ACTL8: variants seen among roughly 807,000 people sequenced by gnomAD.
ACTL8 encodes the protein actin like 8, also known as actin-like protein 8.
In ACTL8, 3 loss-of-function variants were observed where a neutral mutation model predicts 9.3. The observed-to-expected ratio is 0.32, with a 90% confidence interval of 0.15 to 0.83. The LOEUF is 0.83. Among genes scored for constraint, ACTL8 ranks in the 40% least tolerant of loss-of-function variants. The pLI is 0.57. For missense variants in ACTL8, 381 were observed against 492.2 expected, an observed-to-expected ratio of 0.77 and a Z score of 2.14; for synonymous variants, 224 against 205.9, an observed-to-expected ratio of 1.09 and a Z score of -0.75.
intron 1 of ACTL8, among the ~76,000 whole-genome samples, chr1:17,813,689 G>A (rs1187744154): frequency 2.6e-5 from 4 of 152,112 alleles, no homozygotes; most frequent in Non-Finnish European, 4.4e-5. Context: ...ATTGTGTACC[G>A]TTAGTATTAT....
intron 1 of ACTL8, among the ~76,000 whole-genome samples, chr1:17,822,180 CT>C (rs1289805267): frequency 1.3e-5 from 2 of 152,142 alleles, no homozygotes; most frequent in Non-Finnish European, 2.9e-5. Flanking sequence ...AGGACATCGC[CT>C]TTGCAGTCTG....
At position 17,815,949 on chromosome 1, in the gene ACTL8, CT is replaced by C. The variant is rs1407088439; in HGVS notation, c.-24-7033del. Among the ~76,000 whole-genome samples the C allele has an allele frequency of 2.6e-5, 4 of 152,064 alleles. No individual in the cohort carries two copies. In the East Asian group the frequency reaches 7.7e-4, roughly 29 times the overall value. On this transcript the variant is annotated intron_variant, in intron 1 of 2. Transcript: ENST00000375406. ...CTCTATTCTATGGAGCAGAACTTTT[CT>C]TTGTTTTTATTTTTTATTCTAAATT...
Position 17,826,368 on chromosome 1 carries a change from G to A in ACTL8, c.950G>A (p.Gly317Glu). ...FTKRLFRELM[G>E]DHVSSTKATV... ...AAGCGCCTGTTCAGGGAGCTGATGG[G>A]GGATCACGTCTCCTCCACCAAGGCC... The change falls in exon 3 of 3, where the codon GGG (glycine) becomes GAG (glutamate). Residue 317 changes from glycine (G) to glutamate (E), a missense_variant. Physicochemically the swap from Gly to Glu is moderately conservative, Grantham distance 98. Around this residue, in one of 3 missense-constraint regions of ACTL8, gnomAD observed 243 missense variants for 276.2 expected, o/e 0.88. Transcript: ENST00000375406. The surrounding 1 kb of genome is among the most constrained non-coding windows in gnomAD (Gnocchi z 4.5). The A allele has an allele frequency of 6.2e-7, 1 of 1,614,120 alleles. No individual in the cohort carries two copies. The highest frequency in any genetic ancestry group is 8.5e-7 in the Non-Finnish European group (1 of 1,180,024).
chr1:17,826,245 T>C lies in ACTL8; in HGVS notation c.827T>C (p.Ile276Thr). Residue 276 changes from isoleucine (I) to threonine (T), a missense_variant, in exon 3 of 3, where the codon ATT (isoleucine) becomes ACT (threonine). By Grantham distance (89) the Ile-to-Thr change is moderately conservative. Coordinates refer to ENST00000375406, the MANE Select transcript of ACTL8 (RefSeq NM_030812.3). The surrounding 1 kb of genome is among the most constrained non-coding windows in gnomAD (Gnocchi z 4.5). ...EQPGPSIPRA[I>T]VESVESCEIS... ...CCGGGGCCCAGCATCCCACGGGCCA[T>C]TGTGGAATCCGTGGAGTCCTGCGAG... 1 of 1,613,374 alleles carries C rather than the reference T, an allele frequency of 6.2e-7. No homozygotes were observed. The highest frequency in any genetic ancestry group is 8.5e-7 in the Non-Finnish European group (1 of 1,179,684).
chr1:17,804,217 C>T (rs2066342489), intron 1 of ACTL8, among the ~76,000 whole-genome samples: 1 of 152,166 alleles, frequency 6.6e-6, no homozygotes, highest in Admixed American at 6.5e-5. Flanking sequence ...GTGGGAAACA[C>T]TAAAGGCTGT....
chr1:17,797,724 T>A (rs2066287931), intron 1 of ACTL8, among the ~76,000 whole-genome samples: 1 of 152,198 alleles, frequency 6.6e-6, no homozygotes, highest in East Asian at 1.9e-4. Context: ...GTTTCCTCTC[T>A]GAACCCTGAA....
Position 17,793,408 on chromosome 1 carries a change from G to C in ACTL8, c.-24-29577G>C, listed in dbSNP as rs577567459. 2.6e-5 allele frequency among the ~76,000 whole-genome samples: 4 copies of C among 152,314 alleles called. No homozygotes were observed. The South Asian group carries it at 8.3e-4, about 32-fold the overall frequency. On this transcript the variant is annotated intron_variant, in intron 1 of 2. Coordinates refer to ENST00000375406, the MANE Select transcript of ACTL8 (RefSeq NM_030812.3). ...ACTGAGGAGTCTTAATGCTTTATGG[G>C]TAAAACCAGGATATGGTTTTCATTT...
chr1:17,758,218 G>A (rs748189156), intron 1 of ACTL8, among the ~76,000 whole-genome samples: 6 of 152,192 alleles, frequency 3.9e-5, no homozygotes, highest in Non-Finnish European at 2.9e-5. Flanking sequence ...ATACCGAGGG[G>A]CAGCACTTCA....
At chr1:17,793,932 C>A (rs894689601) in intron 1 of ACTL8, among the ~76,000 whole-genome samples, 2 of 152,154 alleles carry the variant, frequency 1.3e-5, no homozygotes, top group African/African-American at 4.8e-5. Flanking sequence ...GGGGGCAGGT[C>A]TGGCTCCAGT....
chr1:17,825,464 T>C (rs746383796), intron 2 of ACTL8, among the ~76,000 whole-genome samples: 1 of 152,182 alleles, frequency 6.6e-6, no homozygotes, highest in African/African-American at 2.4e-5. Flanking sequence ...CCCGTGGCCA[T>C]GTTGCTCCTG....
chr1:17,814,480 T>C (rs1319203864), intron 1 of ACTL8, among the ~76,000 whole-genome samples: 1 of 149,238 alleles, frequency 6.7e-6, no homozygotes, highest in Non-Finnish European at 1.5e-5. Context: ...TCACCTACAG[T>C]ATTCAGTACA....
At chr1:17,791,918 C>T (rs1264293569) in intron 1 of ACTL8, among the ~76,000 whole-genome samples, 3 of 152,170 alleles carry the variant, frequency 2.0e-5, no homozygotes, top group Non-Finnish European at 2.9e-5. Flanking sequence ...CAACTGAAGC[C>T]GGGACTCCCA....
chr1:17,760,895 A>T (rs771769952), intron 1 of ACTL8, among the ~76,000 whole-genome samples: 5 of 152,228 alleles, frequency 3.3e-5, no homozygotes, highest in African/African-American at 4.8e-5. Flanking sequence ...TACGAGAGTT[A>T]TTACTGGCTA....
chr1:17,796,240 G>C (rs2066275752), intron 1 of ACTL8, among the ~76,000 whole-genome samples: 1 of 152,058 alleles, frequency 6.6e-6, no homozygotes, highest in African/African-American at 2.4e-5. Context: ...GGAGGAAGAG[G>C]TGGTTTTGGG....
rs59143238 is a variant in ACTL8 at position 17,800,583 on chromosome 1, CTTTTTT to C, written c.-24-22380_-24-22375del. On this transcript the variant is annotated intron_variant, in intron 1 of 2. Coordinates refer to ENST00000375406, the MANE Select transcript of ACTL8 (RefSeq NM_030812.3). ...CAAACTTCCTTGCCTTGGTGTCAAT[CTTTTTT>C]TTTTTTTTTTTTTTTTTTTTTGAGA... Among the ~76,000 whole-genome samples the C allele has an allele frequency of 2.0e-4, 14 of 69,154 alleles. No homozygotes were observed. In the East Asian group the frequency reaches 2.6e-3, roughly 13 times the overall value. 45.4% of individuals were successfully genotyped at this position (69,154 alleles called of 152,430 possible).
intron 1 of ACTL8, among the ~76,000 whole-genome samples, chr1:17,793,783 C>T (rs568400133): frequency 7.9e-5 from 12 of 152,156 alleles, no homozygotes; most frequent in South Asian, 2.1e-4. Context: ...CTCCACCTCC[C>T]GGCCTGTGTC....
At chr1:17,764,508 T>G (rs1241578751) in intron 1 of ACTL8, among the ~76,000 whole-genome samples, 4 of 152,144 alleles carry the variant, frequency 2.6e-5, no homozygotes, top group Admixed American at 2.6e-4. Context: ...ACAGGCAGCT[T>G]CCAGTCCTGG....
At chr1:17,820,273 G>T (rs1038606216) in intron 1 of ACTL8, among the ~76,000 whole-genome samples, 1 of 152,108 alleles carries the variant, frequency 6.6e-6, no homozygotes, top group African/African-American at 2.4e-5. Flanking sequence ...CGTCTTTGGG[G>T]TCTGGCTTCT....
At chr1:17,771,023 T>C (rs1334162775) in intron 1 of ACTL8, among the ~76,000 whole-genome samples, 1 of 152,138 alleles carries the variant, frequency 6.6e-6, no homozygotes, top group South Asian at 2.1e-4. Flanking sequence ...TACCGCCTCA[T>C]AGGTTATCGT....
Sources: gnomAD v4.1 joint callset for allele counts (sites outside exome capture counted in the v4.1 genomes callset) on GRCh38, gnomAD v4.1.1 for gene constraint, gnomAD v4.1.1 regional missense constraint, Gnocchi (gnomAD v3.1) non-coding constraint, MANE v1.5 for transcripts, NCBI Gene and HGNC (gene_info 2026-07-23, HGNC 2026-07-21) for gene names.